ARHGAP22: variants seen among roughly 807,000 people sequenced by gnomAD.
ARHGAP22 encodes Rho GTPase activating protein 22, also known as rho GTPase-activating protein 22.
A neutral mutation model predicts 59.1 loss-of-function variants in ARHGAP22; 48 were observed. That is an observed-to-expected ratio of 0.81 (90% CI 0.64 to 1.03). ARHGAP22 has a LOEUF of 1.03. Among genes scored for constraint, ARHGAP22 ranks in the 50% least tolerant of loss-of-function variants. The probability of loss-of-function intolerance (pLI) is 0.00; values close to 1 mark genes in which losing one functional copy is unlikely to be tolerated. For synonymous variants in ARHGAP22, 445 were observed against 416.4 expected (o/e 1.07, Z -0.84); for missense variants, 1,015 against 958.7 (o/e 1.06, Z -0.78).
At chr10:48,622,923 G>A (rs1467102043) in intron 1 of ARHGAP22, among the ~76,000 whole-genome samples, 1 of 152,196 alleles carries the variant, frequency 6.6e-6, no homozygotes, top group African/African-American at 2.4e-5. Context: ...CATGCAGGCA[G>A]GCTCCTCATC....
intron 1 of ARHGAP22, among the ~76,000 whole-genome samples, chr10:48,613,025 C>T (rs996335704): frequency 1.3e-5 from 2 of 152,222 alleles, no homozygotes; most frequent in Non-Finnish European, 2.9e-5. Context: ...GCCCTCCTAC[C>T]TCTGACCAAC....
chr10:48,514,909 C>G (rs1428586622), intron 3 of ARHGAP22, among the ~76,000 whole-genome samples: 3 of 151,848 alleles, frequency 2.0e-5, no homozygotes, highest in Admixed American at 1.3e-4. Context: ...ATTGTAATCC[C>G]CAGAATAACC....
At chr10:48,615,602 T>C (rs2061048661) in intron 1 of ARHGAP22, among the ~76,000 whole-genome samples, 2 of 152,138 alleles carry the variant, frequency 1.3e-5, no homozygotes, top group African/African-American at 4.8e-5. Context: ...ACACAAAGTA[T>C]GGCTTATTTT....
chr10:48,431,079 A>T, the ARHGAP22 span: 2 of 690,550 alleles, frequency 2.9e-6, no homozygotes, highest in Non-Finnish European at 5.2e-6. Flanking sequence ...TGTCATTGTA[A>T]GGACACTGTT....
chr10:48,433,753 C>T, the ARHGAP22 span, among the ~76,000 whole-genome samples: 13 of 152,146 alleles, frequency 8.5e-5, no homozygotes, highest in Admixed American at 3.3e-4. Flanking sequence ...TTTCATTGCT[C>T]ATCTGGACAG....
At position 48,582,979 on chromosome 10, in the gene ARHGAP22, T is replaced by G. The variant is rs771004436; in HGVS notation, c.208A>C (p.Lys70Gln). 1 of 1,614,186 alleles carries G rather than the reference T, an allele frequency of 6.2e-7. No individual in the cohort carries two copies. Among genetic ancestry groups the G allele is most frequent in the South Asian group, 1.1e-5 (1 of 91,082 alleles). Reference sequence around the variant, plus strand: ...TGGGGCTTGATCTCATCTTTGTCCTTGTAGTAGAAAAGCTGATCCCCACGC... The same window carrying G: ...TGGGGCTTGATCTCATCTTTGTCCTGGTAGTAGAAAAGCTGATCCCCACGC... ...VLRGDQLFYY[K>Q]DKDEIKPQGF... The change falls in exon 2 of 10, where the codon AAG (lysine) becomes CAG (glutamine). Residue 70 changes from lysine (K) to glutamine (Q), a missense_variant. Physicochemically the swap from Lys to Gln is moderately conservative, Grantham distance 53. Transcript: ENST00000249601.
intron 4 of ARHGAP22, among the ~76,000 whole-genome samples, chr10:48,473,862 G>A (rs2048454947): frequency 6.6e-6 from 1 of 152,166 alleles, no homozygotes; most frequent in Non-Finnish European, 1.5e-5. Flanking sequence ...CAGACAACCA[G>A]GCAAGGGATA....
chr10:48,591,595 A>G (rs1263569567), intron 1 of ARHGAP22, among the ~76,000 whole-genome samples: 2 of 152,204 alleles, frequency 1.3e-5, no homozygotes, highest in East Asian at 3.8e-4. Context: ...GTTTGGCGAT[A>G]TCACATGTTG....
intron 1 of ARHGAP22, 133 bp from the exon 2 acceptor site, chr10:48,583,285 C>T (rs1306411541): frequency 1.9e-5 from 19 of 1,025,134 alleles, no homozygotes; most frequent in Non-Finnish European, 2.7e-5. Flanking sequence ...AGCAGCTGGG[C>T]CTACTTCCCC....
chr10:48,611,367 C>T (rs1445351839), intron 1 of ARHGAP22, among the ~76,000 whole-genome samples: 1 of 152,118 alleles, frequency 6.6e-6, no homozygotes, highest in Non-Finnish European at 1.5e-5. Context: ...TTTCTGGGTC[C>T]TGGGAACATG....
chr10:48,547,213 C>G (rs1341758313), intron 3 of ARHGAP22, among the ~76,000 whole-genome samples: 1 of 152,250 alleles, frequency 6.6e-6, no homozygotes. Context: ...ACCAGCTTGC[C>G]TAGGCAACAT....
chr10:48,608,013 C>A (rs189302389), upstream of ARHGAP22, among the ~76,000 whole-genome samples: 120 of 152,336 alleles, frequency 7.9e-4, no homozygotes, highest in African/African-American at 2.7e-3. Context: ...GGAGCTCTGA[C>A]AGTGAATTCC....
chr10:48,464,187 C>T (rs929302223), intron 4 of ARHGAP22, among the ~76,000 whole-genome samples: 9 of 152,196 alleles, frequency 5.9e-5, no homozygotes, highest in Admixed American at 2.0e-4. Flanking sequence ...GCTCCCTGTT[C>T]CCCCACACAC....
intron 1 of ARHGAP22, among the ~76,000 whole-genome samples, chr10:48,593,831 A>G (rs145870000): frequency 0.011 from 1,639 of 152,336 alleles, 14 homozygotes; most frequent in Non-Finnish European, 0.015. Flanking sequence ...ATCCTAAACA[A>G]AAGACATTGC....
intron 2 of ARHGAP22, among the ~76,000 whole-genome samples, chr10:48,564,654 A>G (rs1028578062): frequency 8.5e-5 from 13 of 152,188 alleles, no homozygotes; most frequent in Non-Finnish European, 1.8e-4. Context: ...ATACTCTCCG[A>G]CCTCATGTGC....
chr10:48,584,959 A>G (rs1002392843), intron 1 of ARHGAP22, among the ~76,000 whole-genome samples: 2 of 148,872 alleles, frequency 1.3e-5, no homozygotes, highest in African/African-American at 5.0e-5. Context: ...GCGCCACTGC[A>G]CTCCAGCCTG....
At chr10:48,639,241 G>A (rs2061945334) in intron 1 of ARHGAP22, among the ~76,000 whole-genome samples, 1 of 152,216 alleles carries the variant, frequency 6.6e-6, no homozygotes, top group Admixed American at 6.5e-5. Context: ...CTGGCAGCTA[G>A]TGAATGGGGA....
intron 3 of ARHGAP22, among the ~76,000 whole-genome samples, chr10:48,509,431 G>A (rs2052523918): frequency 6.6e-6 from 1 of 152,232 alleles, no homozygotes; most frequent in African/African-American, 2.4e-5. Flanking sequence ...TGGCTGTGCA[G>A]ACGCTCCATG....
intron 9 of ARHGAP22, among the ~76,000 whole-genome samples, chr10:48,447,395 G>A (rs1429048680): frequency 6.6e-6 from 1 of 152,230 alleles, no homozygotes; most frequent in Non-Finnish European, 1.5e-5. Flanking sequence ...CAGGACACAA[G>A]CCACAGTGAA....
Sources: allele counts gnomAD v4.1 joint callset (sites outside exome capture counted in the v4.1 genomes callset), GRCh38; gene constraint gnomAD v4.1.1; transcripts MANE v1.5; gene names NCBI Gene and HGNC (gene_info 2026-07-23, HGNC 2026-07-21).